Variants in AKAP19 observed in about 807,000 individuals in gnomAD.
The protein encoded by AKAP19 is small A-kinase anchoring protein.
the AKAP19 span, among the ~76,000 whole-genome samples, chr2:190,000,528 T>C: frequency 6.6e-6 from 1 of 152,222 alleles, no homozygotes; most frequent in Non-Finnish European, 1.5e-5. Context: ...TATGTGACCC[T>C]AGCAAGGCCA....
the AKAP19 span, among the ~76,000 whole-genome samples, chr2:190,070,857 T>A: frequency 2.0e-5 from 3 of 152,200 alleles, no homozygotes; most frequent in Non-Finnish European, 2.9e-5. Flanking sequence ...AAATACTTGA[T>A]AAAGTATGGT....
the AKAP19 span, among the ~76,000 whole-genome samples, chr2:190,119,057 A>G: frequency 3.3e-5 from 5 of 152,350 alleles, no homozygotes; most frequent in Admixed American, 2.0e-4. Context: ...AATCACAAGC[A>G]TTCTTATACA....
At chr2:189,975,023 A>G in the AKAP19 span, among the ~76,000 whole-genome samples, 3 of 152,192 alleles carry the variant, frequency 2.0e-5, no homozygotes, top group South Asian at 6.2e-4. Flanking sequence ...TCCTGTCATT[A>G]TGATATTAGC....
At chr2:190,073,141 G>C in the AKAP19 span, among the ~76,000 whole-genome samples, 1 of 152,044 alleles carries the variant, frequency 6.6e-6, no homozygotes, top group Non-Finnish European at 1.5e-5. Flanking sequence ...AAGATAAATG[G>C]TTTACAGACA....
At chr2:190,101,445 C>T in the AKAP19 span, among the ~76,000 whole-genome samples, 11 of 151,946 alleles carry the variant, frequency 7.2e-5, no homozygotes, top group African/African-American at 2.4e-4. Flanking sequence ...TCCACTCCAC[C>T]GCCAGGCAGA....
chr2:190,173,979 G>C, the AKAP19 span, among the ~76,000 whole-genome samples: 1 of 151,940 alleles, frequency 6.6e-6, no homozygotes, highest in Non-Finnish European at 1.5e-5. Flanking sequence ...TTAGTCACCT[G>C]CTCTGTCCTT....
At chr2:190,124,468 G>A in the AKAP19 span, among the ~76,000 whole-genome samples, 3 of 152,172 alleles carry the variant, frequency 2.0e-5, no homozygotes, top group Non-Finnish European at 4.4e-5. Flanking sequence ...AAAGGTACTG[G>A]AAAACTACAG....
chr2:190,028,251 G>C, the AKAP19 span, among the ~76,000 whole-genome samples: 4 of 152,018 alleles, frequency 2.6e-5, no homozygotes, highest in Non-Finnish European at 5.9e-5. Flanking sequence ...CATTTTTTCT[G>C]TATTGTTTGA....
At chr2:190,156,797 T>C in the AKAP19 span, among the ~76,000 whole-genome samples, 1 of 152,194 alleles carries the variant, frequency 6.6e-6, no homozygotes, top group Non-Finnish European at 1.5e-5. Flanking sequence ...CTCTCATATA[T>C]GTGGAAATGT....
At chr2:190,015,693 CT>C in the AKAP19 span, among the ~76,000 whole-genome samples, 1 of 152,192 alleles carries the variant, frequency 6.6e-6, no homozygotes, top group East Asian at 1.9e-4. Flanking sequence ...ATTTTTCAAA[CT>C]TTTACACTCT....
At chr2:190,180,723 C>A in the AKAP19 span, 1 of 985,356 alleles carries the variant, frequency 1.0e-6, no homozygotes. The surrounding 1 kb of genome is among the most constrained non-coding windows in gnomAD (Gnocchi z 6.8). Context: ...AGGGCGCGCC[C>A]TGGAGCCGAG....
At chr2:189,980,387 G>A in the AKAP19 span, among the ~76,000 whole-genome samples, 1 of 152,192 alleles carries the variant, frequency 6.6e-6, no homozygotes, top group Non-Finnish European at 1.5e-5. Context: ...TGCCCAGGCT[G>A]GAGTGCAGTG....
chr2:190,062,445 G>A, the AKAP19 span: 5 of 1,613,290 alleles, frequency 3.1e-6, no homozygotes, highest in African/African-American at 6.7e-5. Context: ...TTCTATTCTT[G>A]AAGATTTAGT....
the AKAP19 span, among the ~76,000 whole-genome samples, chr2:189,971,080 C>T: frequency 1.3e-5 from 2 of 152,014 alleles, no homozygotes; most frequent in East Asian, 3.9e-4. Context: ...GTGTGCTGCA[C>T]CCATTAACTC....
the AKAP19 span, among the ~76,000 whole-genome samples, chr2:190,058,824 G>T: frequency 6.6e-6 from 1 of 151,986 alleles, no homozygotes; most frequent in African/African-American, 2.4e-5. Flanking sequence ...GTAGTATAAG[G>T]TACTTCGGAG....
At chr2:190,138,178 TTG>T in the AKAP19 span, among the ~76,000 whole-genome samples, 1 of 152,190 alleles carries the variant, frequency 6.6e-6, no homozygotes, top group Non-Finnish European at 1.5e-5. Flanking sequence ...CTGGCCTTCT[TTG>T]TGTAGTTACT....
chr2:189,990,804 C>A, the AKAP19 span, among the ~76,000 whole-genome samples: 2 of 152,098 alleles, frequency 1.3e-5, no homozygotes, highest in Admixed American at 6.6e-5. Flanking sequence ...TTGGTGCACC[C>A]ATCACCTGAG....
At chr2:189,921,724 A>G in the AKAP19 span, among the ~76,000 whole-genome samples, 1 of 152,218 alleles carries the variant, frequency 6.6e-6, no homozygotes, top group Admixed American at 6.5e-5. Context: ...ACCTAGAATT[A>G]GTTTGAGTAA....
the AKAP19 span, among the ~76,000 whole-genome samples, chr2:189,980,947 G>T: frequency 2.0e-5 from 3 of 152,168 alleles, no homozygotes; most frequent in Non-Finnish European, 4.4e-5. Context: ...AGAGCATGTG[G>T]TCAAGTTTAG....
Sources: allele counts gnomAD v4.1 joint callset (sites outside exome capture counted in the v4.1 genomes callset), GRCh38; gene constraint gnomAD v4.1.1; non-coding constraint Gnocchi (gnomAD v3.1); transcripts MANE v1.5; gene names NCBI Gene and HGNC (gene_info 2026-07-23, HGNC 2026-07-21).